Variants in TMEM212 observed in about 807,000 individuals in gnomAD.
TMEM212 encodes transmembrane protein 212.
In TMEM212, 23 loss-of-function variants were observed where a neutral mutation model predicts 20.5. The ratio of observed to expected loss-of-function variants is 1.12; its 90% CI spans 0.81 to 1.59. The LOEUF (loss-of-function observed/expected upper bound fraction) is 1.59, where lower values mean the gene tolerates loss of function less well. Among genes scored for constraint, TMEM212 ranks in the 40% most tolerant of loss-of-function variants. The pLI is 0.00. For missense variants in TMEM212, 211 were observed against 215.0 expected (o/e 0.98, Z 0.12); for synonymous variants, 76 against 81.6 (o/e 0.93, Z 0.37).
chr3:171,857,802 A>T (rs1484402906), intron 4 of TMEM212, among the ~76,000 whole-genome samples: 2 of 152,208 alleles, frequency 1.3e-5, no homozygotes, highest in Non-Finnish European at 2.9e-5. Context: ...GCTCTTTAAC[A>T]TTACAAATTA....
intron 4 of TMEM212, among the ~76,000 whole-genome samples, chr3:171,857,707 T>C (rs565634069): frequency 6.6e-6 from 1 of 152,158 alleles, no homozygotes; most frequent in African/African-American, 2.4e-5. Context: ...ATAATCTGAT[T>C]TTAAAATGGG....
intron 4 of TMEM212, 95 bp downstream of exon 4, chr3:171,856,802 T>C: frequency 2.2e-6 from 1 of 464,046 alleles, no homozygotes; most frequent in Non-Finnish European, 3.8e-6. Flanking sequence ...AAACAAGCTT[T>C]ATATAAGGTA....
At position 171,857,267 on chromosome 3, in the gene TMEM212, C is replaced by T. The variant is rs185863043; in HGVS notation, c.*3+560C>T. ...ACACATGGAATCAAGTAATATTTGA[C>T]AAGGGTGTCAGGAATGCATAATGAG... On this transcript the variant is annotated intron_variant, in intron 4 of 4. Coordinates refer to ENST00000334567, the MANE Select transcript of TMEM212 (RefSeq NM_001164436.2). Among the ~76,000 whole-genome samples, 100 of 151,814 alleles carry T rather than the reference C, an allele frequency of 6.6e-4. 2 individuals carry two copies. Among genetic ancestry groups the T allele is most frequent in the South Asian group, 1.9e-3 (9 of 4,810 alleles).
chr3:171,854,440 C>T (rs1725064243), intron 3 of TMEM212, among the ~76,000 whole-genome samples: 1 of 151,954 alleles, frequency 6.6e-6, no homozygotes, highest in Admixed American at 6.6e-5. Context: ...TAAATTTAAC[C>T]AAGAATGTGA....
intron 1 of TMEM212, among the ~76,000 whole-genome samples, chr3:171,847,933 A>G (rs1277764569): frequency 6.6e-6 from 1 of 152,172 alleles, no homozygotes; most frequent in Non-Finnish European, 1.5e-5. Flanking sequence ...GGCCTAGGAG[A>G]AGGTTCAGGA....
chr3:171,844,316 C>T (rs1724784390), intron 1 of TMEM212, among the ~76,000 whole-genome samples: 1 of 152,178 alleles, frequency 6.6e-6, no homozygotes, highest in African/African-American at 2.4e-5. Context: ...ACCTGTCCAA[C>T]AAATCCTTCT....
chr3:171,858,898 C>G lies in TMEM212; in HGVS notation c.*841C>G, dbSNP rs960423690. On this transcript the variant is annotated 3_prime_UTR_variant, in exon 5 of 5. Transcript: ENST00000334567. ...CACAATAGTAAAGACTTGGAACCAA[C>G]CCAAATATCCATCAATGATAGATTG... 1 of 152,146 alleles carries G rather than the reference C, an allele frequency of 6.6e-6. No individual in the cohort carries two copies. Among genetic ancestry groups the G allele is most frequent in the Non-Finnish European group, 1.5e-5 (1 of 68,056 alleles). The allele number at this position is 152,146 out of a possible 1,614,324, so 9.4% of individuals were successfully genotyped here.
intron 1 of TMEM212, among the ~76,000 whole-genome samples, chr3:171,849,867 A>C (rs1445638073): frequency 1.3e-5 from 2 of 152,094 alleles, no homozygotes; most frequent in African/African-American, 4.8e-5. Context: ...CCCAGAAAGC[A>C]AGGCAGCAGC....
chr3:171,851,884 C>T, intron 1 of TMEM212, 98 bp from the exon 2 acceptor site: 1 of 1,090,394 alleles, frequency 9.2e-7, no homozygotes. Context: ...TCTGTTCCTT[C>T]AAGTTCATGA....
chr3:171,845,842 A>T (rs1312397551), intron 1 of TMEM212, among the ~76,000 whole-genome samples: 2 of 152,276 alleles, frequency 1.3e-5, no homozygotes, highest in South Asian at 2.1e-4. Context: ...CCACGTGTAA[A>T]ACTGTCCAAC....
At chr3:171,857,189 C>T (rs1336532231) in intron 4 of TMEM212, among the ~76,000 whole-genome samples, 2 of 151,646 alleles carry the variant, frequency 1.3e-5, no homozygotes, top group Non-Finnish European at 2.9e-5. Flanking sequence ...ATAATGGTGC[C>T]CAAAAGAGTT....
At position 171,853,840 on chromosome 3, in the gene TMEM212, G is replaced by A. The variant is rs920629255; in HGVS notation, c.533G>A (p.Gly178Glu). 2 of 1,534,182 alleles carry A rather than the reference G, an allele frequency of 1.3e-6. No individual in the cohort carries two copies. The highest frequency in any genetic ancestry group is 3.9e-5 in the Admixed American group (2 of 50,704). ...CTTTCTGCAAGACTTATCCAGAATG[G>A]ACACATAAACGTAAGTTTCAACAAA... ...IKLSARLIQN[G>E]HINMQLPAGN... Residue 178 changes from glycine to glutamate, a missense_variant, in exon 3 of 5, where the codon GGA becomes GAA. Physicochemically the swap from Gly to Glu is moderately conservative, Grantham distance 98 (BLOSUM62 -2). Coordinates refer to ENST00000334567, the MANE Select transcript of TMEM212 (RefSeq NM_001164436.2).
chr3:171,850,821 T>C (rs1009878944), intron 1 of TMEM212, among the ~76,000 whole-genome samples: 4 of 152,112 alleles, frequency 2.6e-5, no homozygotes, highest in Admixed American at 1.3e-4. Flanking sequence ...CTCAGCTACA[T>C]GAGAAGTGTG....
intron 1 of TMEM212, among the ~76,000 whole-genome samples, chr3:171,845,854 C>G (rs150355300): frequency 1.5e-3 from 233 of 152,244 alleles, no homozygotes; most frequent in African/African-American, 5.4e-3. Context: ...CTGTCCAACC[C>G]TAAGATGCAC....
At chr3:171,847,486 T>A (rs1724863955) in intron 1 of TMEM212, among the ~76,000 whole-genome samples, 1 of 152,238 alleles carries the variant, frequency 6.6e-6, no homozygotes, top group Non-Finnish European at 1.5e-5. Flanking sequence ...TTGCATGTCT[T>A]CCAACTGCCT....
Position 171,856,734 on chromosome 3 carries a change from C to T in TMEM212, c.*3+27C>T, listed in dbSNP as rs560613389. On this transcript the variant is annotated intron_variant, in intron 4 of 4. Transcript: ENST00000334567. ...TAAAATGGTCTGGGGATAGAAAAGG[C>T]CTGGGACCAGAATATAAAAGCACAC... 12 of 644,316 alleles carry T rather than the reference C, an allele frequency of 1.9e-5. No individual in the cohort carries two copies. The South Asian group carries it at 2.1e-4, about 11-fold the overall frequency. 39.9% of individuals were successfully genotyped at this position (644,316 alleles called of 1,614,324 possible).
intron 1 of TMEM212, 53 bp downstream of exon 1, chr3:171,843,595 A>G: frequency 7.0e-7 from 1 of 1,424,026 alleles, no homozygotes; most frequent in East Asian, 2.5e-5. Context: ...GGTGGGAGGG[A>G]AAGGGAAAAC....
intron 1 of TMEM212, among the ~76,000 whole-genome samples, chr3:171,845,252 A>T (rs2108377775): frequency 6.6e-6 from 1 of 152,338 alleles, no homozygotes; most frequent in East Asian, 1.9e-4. Context: ...ACATAAATAC[A>T]TCTACATTCT....
chr3:171,858,755 A>T lies in TMEM212; in HGVS notation c.*698A>T, dbSNP rs1394443056. The T allele has an allele frequency of 1.3e-5, 2 of 152,150 alleles. No individual in the cohort carries two copies. The highest frequency in any genetic ancestry group is 4.8e-5 in the African/African-American group (2 of 41,438). 9.4% of individuals were successfully genotyped at this position (152,150 alleles called of 1,614,324 possible). A position where few individuals can be genotyped will look rare whatever the true frequency, so the allele number is the denominator to read the frequency against. On this transcript the variant is annotated 3_prime_UTR_variant, in exon 5 of 5. Coordinates refer to ENST00000334567, the MANE Select transcript of TMEM212 (RefSeq NM_001164436.2). ...AAAACAAACAACCACATCAAAAAGT[A>T]GGCAAAGGACATGGACACTTCTCAA...
Sources: gnomAD v4.1 joint callset for allele counts (sites outside exome capture counted in the v4.1 genomes callset) on GRCh38, gnomAD v4.1.1 for gene constraint, MANE v1.5 for transcripts, NCBI Gene and HGNC (gene_info 2026-07-23, HGNC 2026-07-21) for gene names.